The following WWOX variants were observed in gnomAD, a reference collection of about 807,000 sequenced individuals.
WWOX encodes WW domain containing oxidoreductase.
Under a neutral mutation model 46.2 loss-of-function variants are expected in WWOX, and 69 were observed. The observed-to-expected ratio is 1.49, with a 90% CI of 1.23 to 1.82. The LOEUF is 1.82. WWOX is among the 40% of genes most tolerant of loss of function. The pLI is 0.00. For missense variants in WWOX, 919 were observed against 542.6 expected, an observed-to-expected ratio of 1.69 and a Z score of -6.89; for synonymous variants, 359 against 202.6, an observed-to-expected ratio of 1.77 and a Z score of -6.56.
intron 8 of WWOX, among the ~76,000 whole-genome samples, chr16:79,033,206 GTA>G (rs34300112): frequency 6.9e-6 from 1 of 145,606 alleles, no homozygotes. Flanking sequence ...ATAAATATGT[GTA>G]TATATATATT....
At chr16:78,577,206 C>T (rs1399156981) in intron 8 of WWOX, among the ~76,000 whole-genome samples, 2 of 152,166 alleles carry the variant, frequency 1.3e-5, no homozygotes, top group African/African-American at 4.8e-5. Flanking sequence ...CCAAGCCCAG[C>T]TTCAGAAGGG....
chr16:78,123,435 G>GTTTTTTTTTTTTTTTTTTTT lies in WWOX; in HGVS notation c.409+8285_409+8286insTTTTTTTTTTTTTTTTTTTT, dbSNP rs200594331. On this transcript the variant is annotated intron_variant, in intron 4 of 8. Coordinates refer to ENST00000566780, the MANE Select transcript of WWOX (RefSeq NM_016373.4). The stretch of plus-strand genomic sequence containing the variant: ...CCCTATGTTTTTTTCTTTGTTTTTT[G>GTTTTTTTTTTTTTTTTTTTT]TTTTGTTTTTTTTTTTTTTGTTTTT... 22 of 48,712 alleles carry GTTTTTTTTTTTTTTTTTTTT rather than the reference G, an allele frequency of 4.5e-4. 2 individuals are homozygous for GTTTTTTTTTTTTTTTTTTTT. The highest frequency in any genetic ancestry group is 8.4e-4 in the African/African-American group (11 of 13,166). 3.0% of individuals were successfully genotyped at this position (48,712 alleles called of 1,614,324 possible).
intron 6 of WWOX, among the ~76,000 whole-genome samples, chr16:78,417,457 G>A (rs905885812): frequency 2.6e-5 from 4 of 151,886 alleles, no homozygotes; most frequent in African/African-American, 9.7e-5. Context: ...ATGTCACGTA[G>A]GGTTCTTAAA....
chr16:78,916,953 C>G lies in WWOX; in HGVS notation c.1057-294655C>G, dbSNP rs532777472. ...GACCCAGGGGCTAAACTTTAAGGAC[C>G]TGGTTCCCCTCTTTTCATCCCTTGG... On this transcript the variant is annotated intron_variant, in intron 8 of 8. Coordinates refer to ENST00000566780, the MANE Select transcript of WWOX (RefSeq NM_016373.4). Among the ~76,000 whole-genome samples, 9 of 152,278 alleles carry G rather than the reference C, an allele frequency of 5.9e-5. No homozygotes were observed. The South Asian group carries it at 1.7e-3, about 28-fold the overall frequency.
chr16:78,373,899 C>G (rs1405052188), intron 5 of WWOX, among the ~76,000 whole-genome samples: 1 of 151,928 alleles, frequency 6.6e-6, no homozygotes, highest in Non-Finnish European at 1.5e-5. Context: ...GCAATCCTCC[C>G]ACCTCAGCCT....
chr16:78,936,403 A>G (rs527932627), intron 8 of WWOX, among the ~76,000 whole-genome samples: 1 of 152,128 alleles, frequency 6.6e-6, no homozygotes, highest in Non-Finnish European at 1.5e-5. Context: ...TGATCTCCCC[A>G]GGATGGGTAA....
At chr16:78,861,768 T>C (rs188859695) in intron 8 of WWOX, among the ~76,000 whole-genome samples, 7 of 152,316 alleles carry the variant, frequency 4.6e-5, no homozygotes, top group African/African-American at 9.6e-5. Flanking sequence ...TTTCAAAAGT[T>C]GGTTGAATAG....
chr16:79,126,350 C>G (rs1025088212), intron 8 of WWOX, among the ~76,000 whole-genome samples: 1 of 152,172 alleles, frequency 6.6e-6, no homozygotes. Flanking sequence ...CAAATGTCAT[C>G]TCGAATTGTA....
chr16:78,759,441 T>G (rs2142482619), intron 8 of WWOX, among the ~76,000 whole-genome samples: 1 of 152,278 alleles, frequency 6.6e-6, no homozygotes. Flanking sequence ...GCCTGTTGAG[T>G]TAAAATAAGC....
intron 8 of WWOX, among the ~76,000 whole-genome samples, chr16:79,091,779 GTTT>G (rs11329411): frequency 9.2e-6 from 1 of 109,128 alleles, no homozygotes; most frequent in Admixed American, 1.1e-4. Context: ...TCTTTTCTTT[GTTT>G]TTTTTTTTTT....
chr16:78,954,012 C>T (rs2046115265), intron 8 of WWOX, among the ~76,000 whole-genome samples: 1 of 152,238 alleles, frequency 6.6e-6, no homozygotes. Flanking sequence ...GTGGTCTTTG[C>T]TTTCATAGGT....
intron 8 of WWOX, among the ~76,000 whole-genome samples, chr16:78,607,644 CTTT>C (rs4035989): frequency 7.1e-6 from 1 of 141,552 alleles, no homozygotes; most frequent in Non-Finnish European, 1.5e-5. Context: ...ATTTGTTCTT[CTTT>C]TTTTTTTTTT....
At chr16:78,119,692 C>G (rs1353911061) in intron 4 of WWOX, among the ~76,000 whole-genome samples, 1 of 151,412 alleles carries the variant, frequency 6.6e-6, no homozygotes, top group African/African-American at 2.4e-5. Context: ...TCTCAAACTC[C>G]TGGGTTCAAG....
chr16:79,057,092 C>T (rs1258793557), intron 8 of WWOX, among the ~76,000 whole-genome samples: 2 of 152,314 alleles, frequency 1.3e-5, no homozygotes, highest in East Asian at 3.9e-4. Context: ...AAGAGCTTAA[C>T]CCACTAATCT....
chr16:78,720,303 A>G (rs867269582), intron 8 of WWOX, among the ~76,000 whole-genome samples: 1 of 145,516 alleles, frequency 6.9e-6, no homozygotes, highest in Admixed American at 6.7e-5. Context: ...TGACGGTTAT[A>G]TAGATCTTTC....
chr16:78,605,504 G>A (rs1040215779), intron 8 of WWOX, among the ~76,000 whole-genome samples: 3 of 151,970 alleles, frequency 2.0e-5, no homozygotes, highest in African/African-American at 7.3e-5. Context: ...TGTCAAAAGG[G>A]TAGCCAGTTT....
Position 78,576,456 on chromosome 16 carries a change from C to G in WWOX, c.1056+143704C>G, listed in dbSNP as rs368422629. Among the ~76,000 whole-genome samples, 212 of 152,304 alleles carry G rather than the reference C, an allele frequency of 1.4e-3. 2 individuals are homozygous for G. The highest frequency in any genetic ancestry group is 4.9e-3 in the African/African-American group (202 of 41,574). ...TGTCTGGAGGCGTTGGGCTTGGATC[C>G]TTCATTCTTCATGAGGCTGATGTTT... On this transcript the variant is annotated intron_variant, in intron 8 of 8. Transcript: ENST00000566780.
At chr16:78,451,939 C>G (rs778737693) in intron 8 of WWOX, among the ~76,000 whole-genome samples, 1 of 152,120 alleles carries the variant, frequency 6.6e-6, no homozygotes, top group Non-Finnish European at 1.5e-5. Flanking sequence ...ATTGTTGGAG[C>G]CCTTAGTTCA....
At chr16:78,157,770 A>G (rs953427338) in intron 4 of WWOX, among the ~76,000 whole-genome samples, 1 of 152,238 alleles carries the variant, frequency 6.6e-6, no homozygotes, top group Non-Finnish European at 1.5e-5. Flanking sequence ...TTGGTATTAA[A>G]GTCATTCAGC....
Sources: gnomAD v4.1 joint callset for allele counts (sites outside exome capture counted in the v4.1 genomes callset) on GRCh38, gnomAD v4.1.1 for gene constraint, MANE v1.5 for transcripts, NCBI Gene and HGNC (gene_info 2026-07-23, HGNC 2026-07-21) for gene names.